Variants in IDO1 observed in about 807,000 individuals in gnomAD.
IDO1 encodes indoleamine 2,3-dioxygenase 1.
IDO1 carries 35 observed loss-of-function variants against 38.8 expected under a neutral mutation model. The observed-to-expected ratio is 0.90, with a 90% CI of 0.69 to 1.20. IDO1 has a LOEUF of 1.20. Among genes scored for constraint, IDO1 ranks in the 50% most tolerant of loss-of-function variants. The pLI is 0.00. For missense variants in IDO1, 509 were observed against 485.1 expected (o/e 1.05, Z -0.46); for synonymous variants, 171 against 170.0 (o/e 1.01, Z -0.05).
intron 6 of IDO1, 72 bp from the exon 7 acceptor site, chr8:39,923,396 TC>T: frequency 3.5e-6 from 3 of 853,420 alleles, no homozygotes; most frequent in Non-Finnish European, 5.2e-6. Context: ...TGAGCGAGAC[TC>T]CGTCTCAAAA....
chr8:39,924,633 C>T, intron 7 of IDO1, 88 bp from the exon 8 acceptor site: 1 of 934,236 alleles, frequency 1.1e-6, no homozygotes, highest in South Asian at 1.4e-5. Context: ...CAGCCTGTGC[C>T]AAAATCCATT....
At chr8:39,921,625 CTCAAGG>C (rs1807272851) in intron 5 of IDO1, among the ~76,000 whole-genome samples, 1 of 152,116 alleles carries the variant, frequency 6.6e-6, no homozygotes, top group East Asian at 1.9e-4. Context: ...TCATATCTTG[CTCAAGG>C]TCACACAGCA....
chr8:39,925,274 G>C lies in IDO1; in HGVS notation c.759G>C (p.Trp253Cys). ...LSDGLVYEGF[W>C]EDPKEFAGGS... ...ACGGTCTGGTGTATGAAGGGTTCTG[G>C]GAAGACCCAAAGGAGTTTGCAGGGG... is the stretch of plus-strand genomic sequence containing the variant. The change falls in exon 9 of 10, where the codon TGG (tryptophan) becomes TGC (cysteine). Residue 253 changes from tryptophan to cysteine, a missense_variant. By Grantham distance (215) the Trp-to-Cys change is radical. Coordinates refer to ENST00000518237, the MANE Select transcript of IDO1 (RefSeq NM_002164.6). The C allele has an allele frequency of 1.2e-6, 2 of 1,613,470 alleles. No homozygotes were observed. Among genetic ancestry groups the C allele is most frequent in the Non-Finnish European group, 1.7e-6 (2 of 1,179,796 alleles).
chr8:39,920,893 C>A (rs1807261661), intron 5 of IDO1: 1 of 151,134 alleles, frequency 6.6e-6, no homozygotes. Flanking sequence ...CTTGGTGAAG[C>A]TAGACTAATG....
rs763106555 is a variant in IDO1, at chr8:39,928,053, G to A, written c.1080G>A (p.Gln360=). ...AGTACATCCTGATTCCTGCAAGCCA[G>A]CAGCCAAAGGAGAATAAGACCTCTG... The part of the protein sequence containing the change: ...VTKYILIPAS[Q]QPKENKTSED... Residue 360 remains glutamine, a synonymous_variant, in exon 10 of 10, where the codon CAG becomes CAA. Coordinates refer to ENST00000518237, the MANE Select transcript of IDO1 (RefSeq NM_002164.6). The A allele has an allele frequency of 1.6e-5, 26 of 1,610,776 alleles. 1 individual carries two copies. The highest frequency in any genetic ancestry group is 4.5e-5 in the East Asian group (2 of 44,852).
intron 3 of IDO1, among the ~76,000 whole-genome samples, chr8:39,918,609 G>A (rs1453376021): frequency 6.6e-6 from 1 of 151,796 alleles, no homozygotes; most frequent in Non-Finnish European, 1.5e-5. Flanking sequence ...AGCCAGGCAT[G>A]GTGGCAGGTG....
At position 39,924,766 on chromosome 8, in the gene IDO1, T is replaced by G; in HGVS notation, c.701T>G (p.Leu234Trp). The G allele has an allele frequency of 6.2e-7, 1 of 1,606,194 alleles. No individual in the cohort carries two copies. The highest frequency in any genetic ancestry group is 8.5e-7 in the Non-Finnish European group (1 of 1,173,666). Reference sequence around the variant, plus strand: ...TTTTTCAGTGTTCTTCGCATATATTTGTCTGGGTATGTAGTCTTATGTTTG... The same window carrying G: ...TTTTTCAGTGTTCTTCGCATATATTGGTCTGGGTATGTAGTCTTATGTTTG... The part of the protein sequence containing the change: ...KAFFSVLRIY[L>W]SGWKGNPQLS... Residue 234 changes from leucine to tryptophan, a missense_variant, in exon 8 of 10, where the codon TTG becomes TGG. Coordinates refer to ENST00000518237, the MANE Select transcript of IDO1 (RefSeq NM_002164.6).
chr8:39,923,877 C>T (rs993541075), intron 7 of IDO1: 2 of 196,256 alleles, frequency 1.0e-5, no homozygotes, highest in African/African-American at 2.3e-5. Flanking sequence ...CCTTGCCTCC[C>T]GCTAAAAACC....
At position 39,918,150 on chromosome 8, in the gene IDO1, T is replaced by G; in HGVS notation, c.246T>G (p.Val82=). ...DHKSQRLARL[V]LGCITMAYVW... ...AGTCACAGCGCCTTGCACGTCTAGT[T>G]CTGGGATGCATCACCATGGCATATG... Residue 82 remains valine (V), a synonymous_variant, in exon 3 of 10, where the codon GTT becomes GTG. Transcript: ENST00000518237. The G allele has an allele frequency of 1.2e-6, 2 of 1,614,012 alleles. No homozygotes were observed. The highest frequency in any genetic ancestry group is 1.7e-6 in the Non-Finnish European group (2 of 1,179,880).
rs1417709040 is a variant in IDO1 at position 39,917,960 on chromosome 8, G to C, written c.173G>C (p.Arg58Thr). 9 of 1,613,008 alleles carry C rather than the reference G, an allele frequency of 5.6e-6. No homozygotes were observed. Among genetic ancestry groups the C allele is most frequent in the Non-Finnish European group, 7.6e-6 (9 of 1,179,214 alleles). Residue 58 changes from arginine to threonine, a missense_variant, in exon 2 of 10, where the codon AGA becomes ACA. Coordinates refer to ENST00000518237, the MANE Select transcript of IDO1 (RefSeq NM_002164.6). ...DLIESGQLRERVEKLNMLSID... is the reference protein window; with the variant it reads ...DLIESGQLRETVEKLNMLSID... ...ATAGAGTCTGGCCAGCTTCGAGAAAGAGTTGAGAAGGTTTGACATATGTAT... is the reference window on the plus strand; with the variant it reads ...ATAGAGTCTGGCCAGCTTCGAGAAACAGTTGAGAAGGTTTGACATATGTAT...
At chr8:39,922,977 T>A (rs1807297199) in intron 6 of IDO1, 1 of 252,254 alleles carries the variant, frequency 4.0e-6, no homozygotes, top group African/African-American at 2.3e-5. Flanking sequence ...TACAACTATA[T>A]AAATATCTTT....
intron 3 of IDO1, 49 bp from the exon 4 acceptor site, chr8:39,918,766 A>AC: frequency 2.7e-6 from 2 of 742,486 alleles, no homozygotes; most frequent in Non-Finnish European, 4.4e-6. Context: ...AAAAAAAAAA[A>AC]AAACAACAAC....
intron 1 of IDO1, 114 bp from the exon 2 acceptor site, chr8:39,917,761 A>G: frequency 1.5e-6 from 1 of 683,532 alleles, no homozygotes; most frequent in Non-Finnish European, 2.5e-6. Flanking sequence ...CAGGTAAGCC[A>G]TATGCCAGGG....
chr8:39,923,368 C>T (rs1389308046), intron 6 of IDO1, 101 bp from the exon 7 acceptor site: 6 of 672,044 alleles, frequency 8.9e-6, no homozygotes, highest in Non-Finnish European at 1.5e-5. Flanking sequence ...CGCGCCACTG[C>T]ACCCCAGCCT....
At chr8:39,922,126 G>A (rs747140523) in intron 5 of IDO1, among the ~76,000 whole-genome samples, 5 of 152,042 alleles carry the variant, frequency 3.3e-5, no homozygotes, top group Non-Finnish European at 7.4e-5. Flanking sequence ...TCAGCCTCCC[G>A]AGTAGCTGGG....
chr8:39,921,573 G>T (rs960934723), intron 5 of IDO1, among the ~76,000 whole-genome samples: 2 of 152,184 alleles, frequency 1.3e-5, no homozygotes, highest in African/African-American at 2.4e-5. Flanking sequence ...GACATCAGCA[G>T]TCAGTCTCAC....
chr8:39,918,415 T>C (rs1807212899), intron 3 of IDO1: 2 of 561,274 alleles, frequency 3.6e-6, no homozygotes, highest in Non-Finnish European at 6.2e-6. Context: ...TTTTTCATCC[T>C]GTATTTTATC....
At chr8:39,917,713 C>T (rs1044898014) in intron 1 of IDO1, among the ~76,000 whole-genome samples, 162 bp from the exon 2 acceptor site, 3 of 152,184 alleles carry the variant, frequency 2.0e-5, no homozygotes, top group Admixed American at 6.5e-5. Context: ...TTCAGCCCTG[C>T]GTGTGCAGAT....
At chr8:39,919,271 C>T (rs1807232120) in intron 4 of IDO1, among the ~76,000 whole-genome samples, 1 of 152,138 alleles carries the variant, frequency 6.6e-6, no homozygotes, top group Non-Finnish European at 1.5e-5. Context: ...TTTCAATTCC[C>T]TTTCCTGCCA....
Sources: gnomAD v4.1 joint callset for allele counts (sites outside exome capture counted in the v4.1 genomes callset) on GRCh38, gnomAD v4.1.1 for gene constraint, MANE v1.5 for transcripts, NCBI Gene and HGNC (gene_info 2026-07-23, HGNC 2026-07-21) for gene names.